The following KMT2B variants were observed in gnomAD, a reference collection of about 807,000 sequenced individuals.
The protein encoded by KMT2B is lysine methyltransferase 2B.
Under a neutral mutation model 255.3 loss-of-function variants are expected in KMT2B, and 22 were observed. The ratio of observed to expected loss-of-function variants is 0.09; its 90% CI spans 0.06 to 0.12. The LOEUF (loss-of-function observed/expected upper bound fraction) is 0.12. Among genes scored for constraint, KMT2B ranks in the 10% least tolerant of loss-of-function variants. The probability of loss-of-function intolerance (pLI) is 1.00; values close to 1 mark genes in which losing one functional copy is unlikely to be tolerated. For synonymous variants in KMT2B, 1,730 were observed against 1,498.1 expected, an observed-to-expected ratio of 1.15 and a Z score of -3.57; for missense variants, 3,149 against 3,737.0, an observed-to-expected ratio of 0.84 and a Z score of 4.10.
chr19:35,728,013 G>A (rs1435144653), intron 18 of KMT2B, 28 bp downstream of exon 18: 17 of 1,546,958 alleles, frequency 1.1e-5, no homozygotes, highest in Non-Finnish European at 1.5e-5. Context: ...TGCTTGTGGG[G>A]TGGGGGAGTG....
Position 35,723,312 on chromosome 19 carries a change from T to G in KMT2B, c.3002+38T>G. The G allele has an allele frequency of 1.3e-6, 2 of 1,597,016 alleles. No homozygotes were observed. The highest frequency in any genetic ancestry group is 1.7e-6 in the Non-Finnish European group (2 of 1,168,704). ...GGCGTGACCTCATTCCCGTGGTTGT[T>G]GGTCCCCTAGGCTTCCTACCTCACT... On this transcript the variant is annotated intron_variant, in intron 6 of 36. Coordinates refer to ENST00000420124, the MANE Select transcript of KMT2B (RefSeq NM_014727.3). The surrounding 1 kb of genome is among the most constrained non-coding windows in gnomAD (Gnocchi z 7.5).
At chr19:35,728,212 G>T in intron 19 of KMT2B, 41 bp downstream of exon 19, 1 of 1,542,136 alleles carries the variant, frequency 6.5e-7, no homozygotes, top group Non-Finnish European at 8.8e-7. Flanking sequence ...CGGGGAGTGA[G>T]GGCAAGGCCA....
At position 35,729,147 on chromosome 19, in the gene KMT2B, C is replaced by A. The variant is rs757936937; in HGVS notation, c.4780-12C>A. On this transcript the variant is annotated splice_polypyrimidine_tract_variant and intron_variant, in intron 21 of 36. Coordinates refer to ENST00000420124, the MANE Select transcript of KMT2B (RefSeq NM_014727.3). ...GGCCTCCCCACATCATGCCACTCCT[C>A]TTCTGCCCCAGGAGGCGGGGCGGCT... The A allele has an allele frequency of 1.2e-6, 2 of 1,613,886 alleles. No homozygotes were observed. The highest frequency in any genetic ancestry group is 3.3e-5 in the Admixed American group (2 of 59,998).
intron 22 of KMT2B, among the ~76,000 whole-genome samples, 197 bp from the exon 23 acceptor site, chr19:35,729,770 T>G (rs571942672): frequency 6.6e-6 from 1 of 152,226 alleles, no homozygotes; most frequent in Non-Finnish European, 1.5e-5. Flanking sequence ...TATCAGCAAG[T>G]ATTGTCATTC....
Position 35,731,971 on chromosome 19 carries a change from G to A in KMT2B, c.5501G>A (p.Arg1834His), listed in dbSNP as rs200461439. ...TDVLVPGAPE[R>H]HSPIQNLDPP... ...GTTCTTGTCCCTGGAGCTCCTGAGC[G>A]CCACTCGCCCATTCAGAACCTGGAC... The change falls in exon 27 of 37, where the codon CGC (arginine) becomes CAC (histidine). Residue 1834 changes from arginine (R) to histidine (H), a missense_variant. Physicochemically the swap from Arg to His is conservative, Grantham distance 29. Coordinates refer to ENST00000420124, the MANE Select transcript of KMT2B (RefSeq NM_014727.3). The A allele has an allele frequency of 9.7e-5, 157 of 1,613,758 alleles. 1 individual carries two copies. In the African/African-American group the frequency reaches 1.2e-3, roughly 12 times the overall value.
Position 35,727,136 on chromosome 19 carries a change from C to T in KMT2B, c.4004-20C>T, listed in dbSNP as rs766135772. 1.3e-6 allele frequency: 2 copies of T among 1,576,072 alleles called. No individual in the cohort carries two copies. Among genetic ancestry groups the T allele is most frequent in the Non-Finnish European group, 1.7e-6 (2 of 1,152,892 alleles). On this transcript the variant is annotated intron_variant, in intron 14 of 36. Transcript: ENST00000420124. This position sits in a 1 kb window ranked among gnomAD's most constrained non-coding sequence, Gnocchi z 4.2. ...GTGGGAACTCCAGCACCTCTGACTC[C>T]TTCTCTTCCCTTTCTCTAGGAAACT...
At position 35,733,416 on chromosome 19, in the gene KMT2B, G is replaced by A. The variant is rs199657659; in HGVS notation, c.6867G>A (p.Pro2289=). 1,300 of 1,539,396 alleles carry A rather than the reference G, an allele frequency of 8.4e-4. 1 individual carries two copies. Among genetic ancestry groups the A allele is most frequent in the Middle Eastern group, 5.9e-3 (35 of 5,932 alleles). The change falls in exon 28 of 37, where the codon CCG becomes CCA. Residue 2289 remains proline (P), a synonymous_variant. Coordinates refer to ENST00000420124, the MANE Select transcript of KMT2B (RefSeq NM_014727.3). This position sits in a 1 kb window ranked among gnomAD's most constrained non-coding sequence, Gnocchi z 4.3. ...KRVSTFSGRS[P]PAPPPYKAPR... ...TGTCCACTTTCTCCGGCCGGTCCCC[G>A]CCAGCACCTCCCCCATACAAAGCCC...
In KMT2B at chr19:35,725,993, T is replaced by C. The variant is rs540099563; in HGVS notation, c.3885+175T>C. Among the ~76,000 whole-genome samples, 1 of 152,334 alleles carries C rather than the reference T, an allele frequency of 6.6e-6. No individual in the cohort carries two copies. The highest frequency in any genetic ancestry group is 2.1e-4 in the South Asian group (1 of 4,832). The stretch of plus-strand genomic sequence containing the variant: ...ATAGGTCAGATTTATATTCAGAATT[T>C]GCATGGAGTGGTTTTAGGGGCTTAT... On this transcript the variant is annotated intron_variant, in intron 13 of 36. Coordinates refer to ENST00000420124, the MANE Select transcript of KMT2B (RefSeq NM_014727.3). This position sits in a 1 kb window ranked among gnomAD's most constrained non-coding sequence, Gnocchi z 4.1.
Position 35,723,992 on chromosome 19 carries a change from A to T in KMT2B, c.3319A>T (p.Thr1107Ser). The T allele has an allele frequency of 6.3e-7, 1 of 1,588,678 alleles. No homozygotes were observed. The change falls in exon 8 of 37, where the codon ACC (threonine) becomes TCC (serine). Residue 1107 changes from threonine to serine, a missense_variant. Physicochemically the swap from Thr to Ser is moderately conservative, Grantham distance 58 (BLOSUM62 1). Around this residue, in one of 18 missense-constraint regions of KMT2B, gnomAD observed 136 missense variants for 137.3 expected, o/e 0.99. Transcript: ENST00000420124. The surrounding 1 kb of genome is among the most constrained non-coding windows in gnomAD (Gnocchi z 7.5). ...GGGCCCCCCTGCTCCTCGGCGTCGG[A>T]CCCCCCGAGAAAATGGTGCGAACTG... ...PGGPPAPRRR[T>S]PRENELPLPE...
At chr19:35,722,003 CTTT>C (rs55836857) in intron 3 of KMT2B, among the ~76,000 whole-genome samples, 199 bp downstream of exon 3, 4 of 134,656 alleles carry the variant, frequency 3.0e-5, no homozygotes, top group African/African-American at 6.0e-5. Context: ...CCCTATCTTC[CTTT>C]TTTTTTTTTT....
In KMT2B at chr19:35,726,103, T is replaced by C. The variant is rs1356428588; in HGVS notation, c.3886-133T>C. 9.9e-6 allele frequency: 7 copies of C among 705,888 alleles called. No individual in the cohort carries two copies. The Admixed American group carries it at 1.5e-4, about 15-fold the overall frequency. The allele number at this position is 705,888 out of a possible 1,614,324, so 43.7% of individuals were successfully genotyped here. A position where few individuals can be genotyped will look rare whatever the true frequency, so the allele number is the denominator to read the frequency against. Reference sequence around the variant, plus strand: ...TCATGTTCCTCCTCCGTGTCTGTCCTGCGTGTTTTCTCCTCTTACCTGTCC... The same window carrying C: ...TCATGTTCCTCCTCCGTGTCTGTCCCGCGTGTTTTCTCCTCTTACCTGTCC... On this transcript the variant is annotated intron_variant, in intron 13 of 36. Transcript: ENST00000420124.
chr19:35,732,241 A>G lies in KMT2B; in HGVS notation c.5692A>G (p.Ile1898Val), dbSNP rs777347720. 3.7e-6 allele frequency: 6 copies of G among 1,603,134 alleles called. No individual in the cohort carries two copies. Among genetic ancestry groups the G allele is most frequent in the Non-Finnish European group, 5.1e-6 (6 of 1,173,762 alleles). Reference protein sequence around the residue: ...PGSPSSLTHHIPTVGDPDFPA... With the variant: ...PGSPSSLTHHVPTVGDPDFPA... ...AAGTCCATCTTCACTGACCCACCAC[A>G]TCCCCACAGTGGGAGACCCGGACTT... The change falls in exon 28 of 37, where the codon ATC becomes GTC. Residue 1898 changes from isoleucine to valine, a missense_variant. Around this residue, in one of 18 missense-constraint regions of KMT2B, gnomAD observed 897 missense variants for 825.3 expected, o/e 1.09. Coordinates refer to ENST00000420124, the MANE Select transcript of KMT2B (RefSeq NM_014727.3).
chr19:35,724,563 G>A (rs1159708906), intron 8 of KMT2B, 74 bp from the exon 9 acceptor site: 45 of 1,254,346 alleles, frequency 3.6e-5, no homozygotes, highest in Non-Finnish European at 5.0e-5. Context: ...TGGGAATCCA[G>A]GTAACATTTG....
chr19:35,720,516 T>C lies in KMT2B; in HGVS notation c.1169T>C (p.Met390Thr), dbSNP rs191195577. Residue 390 changes from methionine (M) to threonine (T), a missense_variant, in exon 3 of 37, where the codon ATG (methionine) becomes ACG (threonine). This residue lies in a region of KMT2B where 1,188 missense variants were observed against 1,106.4 expected (regional missense o/e 1.07). Coordinates refer to ENST00000420124, the MANE Select transcript of KMT2B (RefSeq NM_014727.3). ...EKEERAVAEE[M>T]MPAAEKEEAK... ...GAAGAAAGAGCTGTAGCTGAGGAGA[T>C]GATGCCAGCTGCGGAAAAGGAAGAG... 5,056 of 1,550,410 alleles carry C rather than the reference T, an allele frequency of 3.3e-3. 41 individuals carry two copies. The highest frequency in any genetic ancestry group is 0.021 in the South Asian group (1,731 of 83,952).
chr19:35,732,002 A>G lies in KMT2B; in HGVS notation c.5532A>G (p.Pro1844=). 3.7e-6 allele frequency: 6 copies of G among 1,613,722 alleles called. No homozygotes were observed. The highest frequency in any genetic ancestry group is 5.1e-6 in the Non-Finnish European group (6 of 1,179,774). Residue 1844 remains proline (P), a synonymous_variant, in exon 27 of 37, where the codon CCA becomes CCG. Transcript: ENST00000420124. ...CGCCCATTCAGAACCTGGACCCTCCACTGCGGCCAGATTCAGGCAGCGCCC... is the reference window on the plus strand; with the variant it reads ...CGCCCATTCAGAACCTGGACCCTCCGCTGCGGCCAGATTCAGGCAGCGCCC... ...RHSPIQNLDP[P]LRPDSGSAPP...
intron 2 of KMT2B, 54 bp downstream of exon 2, chr19:35,719,595 C>T: frequency 6.5e-7 from 1 of 1,543,176 alleles, no homozygotes. Flanking sequence ...TATCCTCGCC[C>T]TTCGTGTCAG....
Position 35,732,033 on chromosome 19 carries a change from C to T in KMT2B, c.5563C>T (p.Pro1855Ser), listed in dbSNP as rs762658603. 3.7e-6 allele frequency: 6 copies of T among 1,612,990 alleles called. No individual in the cohort carries two copies. Among genetic ancestry groups the T allele is most frequent in the Non-Finnish European group, 5.1e-6 (6 of 1,179,588 alleles). The stretch of plus-strand genomic sequence containing the variant: ...GCCAGATTCAGGCAGCGCCCCTCCT[C>T]CAGCCCCCCGTTCTTTTTCGGGGGC... The part of the protein sequence containing the change: ...LRPDSGSAPP[P>S]APRSFSGARI... The change falls in exon 27 of 37, where the codon CCA becomes TCA. Residue 1855 changes from proline to serine, a missense_variant. Coordinates refer to ENST00000420124, the MANE Select transcript of KMT2B (RefSeq NM_014727.3).
rs1040660211 is a variant in KMT2B, at chr19:35,730,451, A to G, written c.5186A>G (p.Asn1729Ser). The G allele has an allele frequency of 6.2e-7, 1 of 1,613,882 alleles. No individual in the cohort carries two copies. The highest frequency in any genetic ancestry group is 8.5e-7 in the Non-Finnish European group (1 of 1,179,772). ...ACGGGGCTTGAACCCGATGCCATCA[A>G]CGTGCTCATTGGTAAGCTGCCTGCT... ...FLTGLEPDAI[N>S]VLIGSIRIDS... Residue 1729 changes from asparagine (N) to serine (S), a missense_variant, in exon 24 of 37, where the codon AAC becomes AGC. By Grantham distance (46) the Asn-to-Ser change is conservative. Around this residue, in one of 18 missense-constraint regions of KMT2B, gnomAD observed 58 missense variants for 96.9 expected, o/e 0.60. Transcript: ENST00000420124.
At position 35,733,424 on chromosome 19, in the gene KMT2B, C is replaced by G. The variant is rs762296794; in HGVS notation, c.6875C>G (p.Pro2292Arg). 6.4e-7 allele frequency: 1 copy of G among 1,554,706 alleles called. No individual in the cohort carries two copies. The highest frequency in any genetic ancestry group is 1.9e-5 in the Admixed American group (1 of 51,900). ...TTCTCCGGCCGGTCCCCGCCAGCAC[C>G]TCCCCCATACAAAGCCCCCCGGCTG... is the stretch of plus-strand genomic sequence containing the variant. ...STFSGRSPPA[P>R]PPYKAPRLDE... The change falls in exon 28 of 37, where the codon CCT becomes CGT. Residue 2292 changes from proline to arginine, a missense_variant. Around this residue, in one of 18 missense-constraint regions of KMT2B, gnomAD observed 897 missense variants for 825.3 expected, o/e 1.09. Coordinates refer to ENST00000420124, the MANE Select transcript of KMT2B (RefSeq NM_014727.3). This position sits in a 1 kb window ranked among gnomAD's most constrained non-coding sequence, Gnocchi z 4.3.
Sources: gnomAD v4.1 joint callset for allele counts (sites outside exome capture counted in the v4.1 genomes callset) on GRCh38, gnomAD v4.1.1 for gene constraint, gnomAD v4.1.1 regional missense constraint, Gnocchi (gnomAD v3.1) non-coding constraint, MANE v1.5 for transcripts, NCBI Gene and HGNC (gene_info 2026-07-23, HGNC 2026-07-21) for gene names.